SDHC: variants seen among roughly 807,000 people sequenced by gnomAD.
The protein encoded by SDHC is succinate dehydrogenase cytochrome b560 subunit, mitochondrial.
A neutral mutation model predicts 22.6 loss-of-function variants in SDHC; 11 were observed. That is an observed-to-expected ratio of 0.49 (90% CI 0.31 to 0.81). The LOEUF (loss-of-function observed/expected upper bound fraction) is 0.81. Among genes scored for constraint, SDHC ranks in the 30% least tolerant of loss-of-function variants. The probability of loss-of-function intolerance (pLI) is 0.05; values close to 1 mark genes in which losing one functional copy is unlikely to be tolerated. For synonymous variants in SDHC, 80 were observed against 77.8 expected (o/e 1.03, Z -0.15); for missense variants, 160 against 212.0 (o/e 0.75, Z 1.52).
intron 4 of SDHC, among the ~76,000 whole-genome samples, chr1:161,348,648 C>T (rs1671990193): frequency 7.1e-6 from 1 of 140,726 alleles, no homozygotes; most frequent in African/African-American, 2.7e-5. Flanking sequence ...TAGTGAAACC[C>T]CATCTCTACT....
chr1:161,353,775 G>A (rs1672171518), intron 4 of SDHC, among the ~76,000 whole-genome samples: 1 of 152,096 alleles, frequency 6.6e-6, no homozygotes, highest in South Asian at 2.1e-4. Flanking sequence ...TTGAGCCCAG[G>A]AGTTAGAGAC....
intron 4 of SDHC, among the ~76,000 whole-genome samples, chr1:161,353,187 A>AT (rs1166290715): frequency 6.6e-6 from 1 of 152,106 alleles, no homozygotes; most frequent in Admixed American, 6.6e-5. Context: ...CTCGTAGGTC[A>AT]TTTGAGAGTA....
At chr1:161,356,189 G>A (rs763456761) in intron 4 of SDHC, among the ~76,000 whole-genome samples, 2 of 152,078 alleles carry the variant, frequency 1.3e-5, no homozygotes, top group Non-Finnish European at 2.9e-5. Flanking sequence ...TTTAGTTTAT[G>A]ATGAGATCCC....
At position 161,362,421 on chromosome 1, in the gene SDHC, G is replaced by A; in HGVS notation, c.498G>A (p.Leu166=). 1 of 1,613,182 alleles carries A rather than the reference G, an allele frequency of 6.2e-7. No homozygotes were observed. Among genetic ancestry groups the A allele is most frequent in the Non-Finnish European group, 8.5e-7 (1 of 1,179,652 alleles). The change falls in exon 6 of 6, where the codon CTG becomes CTA. Residue 166 remains leucine, a synonymous_variant. Transcript: ENST00000367975. ...LVLTVLSSMG[L]AAM ...TTACTGTGTTGTCCTCTATGGGGCT[G>A]GCAGCCATGTGAAGAAAGGAGGCTC...
At chr1:161,317,542 T>C (rs1452870509) in intron 1 of SDHC, among the ~76,000 whole-genome samples, 3 of 143,160 alleles carry the variant, frequency 2.1e-5, no homozygotes, top group Non-Finnish European at 3.0e-5. Flanking sequence ...TGTGTGTGTG[T>C]GTGTGTGGTT....
At chr1:161,357,067 G>A (rs1229684418) in intron 5 of SDHC, among the ~76,000 whole-genome samples, 3 of 151,614 alleles carry the variant, frequency 2.0e-5, no homozygotes, top group South Asian at 2.1e-4. Flanking sequence ...AGTAGTTGGC[G>A]TTATAGACGC....
chr1:161,318,250 T>A (rs1213617025), intron 1 of SDHC, among the ~76,000 whole-genome samples: 1 of 152,332 alleles, frequency 6.6e-6, no homozygotes, highest in Non-Finnish European at 1.5e-5. Context: ...TTTTGTATCC[T>A]TTGACCAACT....
rs754818119 is a variant in SDHC at position 161,328,400 on chromosome 1, G to A, written c.82G>A (p.Val28Ile). The A allele has an allele frequency of 2.5e-6, 4 of 1,610,064 alleles. No homozygotes were observed. In the South Asian group the frequency reaches 4.4e-5, roughly 18 times the overall value. ...AACGGTCTGGTTTTATTTTAGTGCT[G>A]TTCCTTTGGGAACCACGGCCAAAGA... ...FSPQLCIRNAVPLGTTAKEEM... is the reference protein window; with the variant it reads ...FSPQLCIRNAIPLGTTAKEEM... The change falls in exon 3 of 6, where the codon GTT becomes ATT. Residue 28 changes from valine (V) to isoleucine (I), a missense_variant. This residue lies in a region of SDHC where 86 missense variants were observed against 83.4 expected (regional missense o/e 1.03). Transcript: ENST00000367975.
At chr1:161,316,304 A>T (rs1670614093) in intron 1 of SDHC, among the ~76,000 whole-genome samples, 1 of 152,220 alleles carries the variant, frequency 6.6e-6, no homozygotes, top group South Asian at 2.1e-4. Context: ...CATGGGGAGA[A>T]ACCTTGGACA....
At chr1:161,355,907 C>G (rs1309080819) in intron 4 of SDHC, among the ~76,000 whole-genome samples, 1 of 151,420 alleles carries the variant, frequency 6.6e-6, no homozygotes, top group African/African-American at 2.4e-5. Context: ...TGGCTTGAAC[C>G]CAGGAGGCGG....
chr1:161,324,677 A>T (rs1670984871), intron 2 of SDHC, among the ~76,000 whole-genome samples: 1 of 152,220 alleles, frequency 6.6e-6, no homozygotes, highest in African/African-American at 2.4e-5. Flanking sequence ...GTTCAGCCGA[A>T]TACATATTTA....
intron 5 of SDHC, among the ~76,000 whole-genome samples, chr1:161,357,863 T>TC (rs1342518405): frequency 6.6e-6 from 1 of 152,186 alleles, no homozygotes; most frequent in Non-Finnish European, 1.5e-5. Flanking sequence ...CTTTCATTCT[T>TC]CCGTTCCTGT....
chr1:161,350,204 C>T (rs781693776), intron 4 of SDHC, among the ~76,000 whole-genome samples: 8 of 152,070 alleles, frequency 5.3e-5, no homozygotes, highest in Non-Finnish European at 1.0e-4. Flanking sequence ...TCCATGTACC[C>T]GGCCTCGTTT....
chr1:161,361,168 G>C (rs548070062), intron 5 of SDHC, among the ~76,000 whole-genome samples: 129 of 151,984 alleles, frequency 8.5e-4, no homozygotes, highest in Middle Eastern at 3.2e-3. Flanking sequence ...TTCAAGACCT[G>C]CCTGAACAAT....
At chr1:161,357,547 C>T (rs1317233713) in intron 5 of SDHC, among the ~76,000 whole-genome samples, 1 of 149,412 alleles carries the variant, frequency 6.7e-6, no homozygotes, top group Non-Finnish European at 1.5e-5. Context: ...CTACAGGCGC[C>T]TCCCACCACG....
chr1:161,335,241 A>T (rs533846089), intron 3 of SDHC, among the ~76,000 whole-genome samples: 1 of 152,256 alleles, frequency 6.6e-6, no homozygotes, highest in East Asian at 1.9e-4. Context: ...GATTTATCCC[A>T]TTACTGGTGA....
chr1:161,314,963 G>A (rs1670552834), intron 1 of SDHC: 1 of 153,242 alleles, frequency 6.5e-6, no homozygotes, highest in African/African-American at 2.4e-5. Context: ...ACCCAGGGCG[G>A]ACCTCTGCTG....
At chr1:161,326,944 T>C (rs1214969330) in intron 2 of SDHC, among the ~76,000 whole-genome samples, 4 of 151,818 alleles carry the variant, frequency 2.6e-5, no homozygotes, top group African/African-American at 4.8e-5. Context: ...AATATTTTGA[T>C]GTAGAGTGTT....
intron 5 of SDHC, among the ~76,000 whole-genome samples, chr1:161,359,998 G>A (rs1052431391): frequency 6.6e-6 from 1 of 151,400 alleles, no homozygotes; most frequent in African/African-American, 2.4e-5. Flanking sequence ...AGCAATTTGA[G>A]GGTTGAGGTG....
Sources: allele counts gnomAD v4.1 joint callset (sites outside exome capture counted in the v4.1 genomes callset), GRCh38; gene constraint gnomAD v4.1.1; regional missense constraint gnomAD v4.1.1; transcripts MANE v1.5; gene names NCBI Gene and HGNC (gene_info 2026-07-23, HGNC 2026-07-21).